Variants in ITGB5 observed in about 807,000 individuals in gnomAD.
The protein encoded by ITGB5 is integrin subunit beta 5.
A neutral mutation model predicts 84.8 loss-of-function variants in ITGB5; 38 were observed. That is an observed-to-expected ratio of 0.45 (90% CI 0.35 to 0.59). The LOEUF (loss-of-function observed/expected upper bound fraction) is 0.59. Ranked by LOEUF, ITGB5 falls within the 20% of genes least tolerant of loss-of-function variation. ITGB5 has a pLI of 0.01. For missense variants in ITGB5, 905 were observed against 1,034.5 expected, an observed-to-expected ratio of 0.87 and a Z score of 1.72; for synonymous variants, 393 against 414.4, an observed-to-expected ratio of 0.95 and a Z score of 0.63.
intron 1 of ITGB5, 105 bp downstream of exon 1, chr3:124,886,826 C>T: frequency 1.6e-6 from 1 of 638,056 alleles, no homozygotes. Context: ...CCGAAGGCGC[C>T]CTCCGCCCTC....
At chr3:124,888,878 A>G (rs577716933), upstream of ITGB5, among the ~76,000 whole-genome samples, 1 of 152,334 alleles carries the variant, frequency 6.6e-6, no homozygotes, top group East Asian at 1.9e-4. Flanking sequence ...CCTCCTCCCA[A>G]ACTCTAACAA....
chr3:124,821,151 G>C (rs192178270), intron 6 of ITGB5, among the ~76,000 whole-genome samples, 162 bp downstream of exon 6: 2 of 152,346 alleles, frequency 1.3e-5, no homozygotes, highest in East Asian at 3.9e-4. Flanking sequence ...CGGAAACCCA[G>C]TTGGAGAAGA....
intron 1 of ITGB5, among the ~76,000 whole-genome samples, chr3:124,893,357 A>G (rs180771278): frequency 2.4e-4 from 37 of 152,326 alleles, no homozygotes; most frequent in Admixed American, 2.4e-3. Flanking sequence ...GCAGTGAGCC[A>G]AGATCGCACC....
At chr3:124,789,131 A>G (rs1483172863) in intron 10 of ITGB5, among the ~76,000 whole-genome samples, 1 of 152,274 alleles carries the variant, frequency 6.6e-6, no homozygotes, top group Non-Finnish European at 1.5e-5. Context: ...AATTGCAATG[A>G]CAGAGATACA....
rs187544946 is a variant in ITGB5, at chr3:124,848,143, C to T, written c.611+166G>A. Among the ~76,000 whole-genome samples, 12 of 152,288 alleles carry T rather than the reference C, an allele frequency of 7.9e-5. 1 individual carries two copies. In the East Asian group the frequency reaches 1.2e-3, roughly 15 times the overall value. On this transcript the variant is annotated intron_variant, in intron 4 of 14. Coordinates refer to ENST00000296181, the MANE Select transcript of ITGB5 (RefSeq NM_002213.5). ...GTGACAGTTCACTCACTTCTTCACA[C>T]GTCAGGAAAGGAGAGAATGTATGCT...
intron 7 of ITGB5, 74 bp downstream of exon 7, chr3:124,819,665 T>C (rs2064667008): frequency 9.6e-6 from 10 of 1,042,066 alleles, no homozygotes; most frequent in Admixed American, 3.4e-5. Context: ...TTCCCCCAGA[T>C]AGGCAGAGTT....
chr3:124,771,173 T>C (rs2063837774), intron 11 of ITGB5, among the ~76,000 whole-genome samples: 1 of 152,218 alleles, frequency 6.6e-6, no homozygotes, highest in Admixed American at 6.5e-5. Context: ...CACTTTGCTC[T>C]TGAGAGCCTG....
chr3:124,896,572 G>A lies in ITGB5; in HGVS notation c.-255+4694C>T, dbSNP rs558856023. 4.1e-4 allele frequency among the ~76,000 whole-genome samples: 62 copies of A among 151,992 alleles called. 1 individual carries two copies. The South Asian group carries it at 0.012, about 30-fold the overall frequency. On this transcript the variant is annotated intron_variant, in intron 1 of 4. Coordinates refer to the ITGB5 transcript ENST00000608657. ...GAAACAGACCAGCATGGGCAATATGGTGAAAGCTCGTCTCATGAAAAATTA... is the reference window on the plus strand; with the variant it reads ...GAAACAGACCAGCATGGGCAATATGATGAAAGCTCGTCTCATGAAAAATTA...
At chr3:124,801,686 G>T (rs1407749151) in intron 9 of ITGB5, among the ~76,000 whole-genome samples, 2 of 152,140 alleles carry the variant, frequency 1.3e-5, no homozygotes, top group Non-Finnish European at 2.9e-5. Flanking sequence ...TGATACTCTT[G>T]TCTACCCCCA....
chr3:124,872,698 G>A (rs1163405891), intron 2 of ITGB5, among the ~76,000 whole-genome samples: 4 of 152,106 alleles, frequency 2.6e-5, no homozygotes, highest in African/African-American at 4.8e-5. Context: ...TTTAGAAATC[G>A]ATCATTTTCT....
chr3:124,891,593 CAAAAAAAA>C (rs59385283), upstream of ITGB5, among the ~76,000 whole-genome samples: 1 of 103,720 alleles, frequency 9.6e-6, no homozygotes, highest in African/African-American at 3.5e-5. Flanking sequence ...ATAACTGCCT[CAAAAAAAA>C]AAAAAAAAAA....
intron 1 of ITGB5, among the ~76,000 whole-genome samples, chr3:124,895,717 A>C (rs995398941): frequency 6.6e-6 from 1 of 152,208 alleles, no homozygotes; most frequent in African/African-American, 2.4e-5. Context: ...TGGCTCAGCC[A>C]TCAGCCACCA....
intron 10 of ITGB5, among the ~76,000 whole-genome samples, chr3:124,790,807 A>C (rs1353033971): frequency 2.6e-5 from 4 of 152,146 alleles, no homozygotes; most frequent in Non-Finnish European, 4.4e-5. Context: ...ACTTTGGGTA[A>C]AATAAAGGTG....
chr3:124,799,354 T>C (rs1406000229), intron 9 of ITGB5, among the ~76,000 whole-genome samples: 1 of 151,828 alleles, frequency 6.6e-6, no homozygotes, highest in Non-Finnish European at 1.5e-5. Context: ...AGGCCAGGAG[T>C]TCGAGACCAA....
intron 11 of ITGB5, chr3:124,770,264 C>CCTTCGAGGAGG (rs1303559418): frequency 2.0e-5 from 3 of 152,290 alleles, no homozygotes; most frequent in Non-Finnish European, 4.4e-5. Context: ...TGCCTGGTGG[C>CCTTCGAGGAGG]CTTCGAGGAG....
intron 10 of ITGB5, among the ~76,000 whole-genome samples, chr3:124,796,051 G>A (rs561331869): frequency 1.2e-4 from 18 of 152,298 alleles, no homozygotes; most frequent in Middle Eastern, 6.8e-3. Context: ...TGAGTTCCCC[G>A]TCCCAGGAGG....
chr3:124,809,406 G>A (rs2064462875), intron 8 of ITGB5: 1 of 473,578 alleles, frequency 2.1e-6, no homozygotes, highest in Non-Finnish European at 3.8e-6. Context: ...TGGTTGACCT[G>A]CCATATGATA....
At chr3:124,770,375 G>A (rs1045883678) in intron 11 of ITGB5, among the ~76,000 whole-genome samples, 3 of 152,074 alleles carry the variant, frequency 2.0e-5, no homozygotes, top group African/African-American at 7.2e-5. Flanking sequence ...TCAGCTACAC[G>A]AGGGACAGCC....
At chr3:124,896,436 T>G (rs1473915001) in intron 1 of ITGB5, among the ~76,000 whole-genome samples, 1 of 152,182 alleles carries the variant, frequency 6.6e-6, no homozygotes. Context: ...GAGACCACAC[T>G]TGGCTTTAGT....
Sources: allele counts gnomAD v4.1 joint callset (sites outside exome capture counted in the v4.1 genomes callset), GRCh38; gene constraint gnomAD v4.1.1; transcripts MANE v1.5; gene names NCBI Gene and HGNC (gene_info 2026-07-23, HGNC 2026-07-21).